SYT14: variants seen among roughly 807,000 people sequenced by gnomAD.
SYT14 encodes synaptotagmin-14.
SYT14 carries 32 observed loss-of-function variants against 74.2 expected under a neutral mutation model. The observed-to-expected ratio is 0.43, with a 90% confidence interval of 0.33 to 0.58. The LOEUF is 0.58. Among genes scored for constraint, SYT14 ranks in the 20% least tolerant of loss-of-function variants. SYT14 has a pLI of 0.05. For synonymous variants in SYT14, 298 were observed against 337.7 expected, an observed-to-expected ratio of 0.88 and a Z score of 1.29; for missense variants, 791 against 981.8, an observed-to-expected ratio of 0.81 and a Z score of 2.60.
At chr1:209,965,935 A>G (rs953639304) in intron 2 of SYT14, 1 of 454,450 alleles carries the variant, frequency 2.2e-6, no homozygotes, top group Non-Finnish European at 4.4e-6. Context: ...CAGTGGCACC[A>G]TCTTGGCTCA....
chr1:210,129,334 A>G (rs541098886), intron 7 of SYT14, among the ~76,000 whole-genome samples: 1 of 152,278 alleles, frequency 6.6e-6, no homozygotes, highest in South Asian at 2.1e-4. Context: ...CAGCTGCATA[A>G]TCAGGTTTCA....
intron 5 of SYT14, among the ~76,000 whole-genome samples, chr1:210,021,507 G>A (rs1191324711): frequency 2.0e-5 from 3 of 152,182 alleles, no homozygotes; most frequent in African/African-American, 7.2e-5. Flanking sequence ...ATTTCACAGT[G>A]AACATATGCT....
chr1:210,013,838 T>G, intron 3 of SYT14, 41 bp downstream of exon 3: 5 of 1,589,156 alleles, frequency 3.1e-6, no homozygotes, highest in Non-Finnish European at 4.3e-6. Flanking sequence ...GTTCTTTTTA[T>G]CCGTACTATT....
At chr1:210,068,737 T>C (rs2081340734) in intron 5 of SYT14, among the ~76,000 whole-genome samples, 1 of 151,734 alleles carries the variant, frequency 6.6e-6, no homozygotes, top group African/African-American at 2.4e-5. Flanking sequence ...AAAATAATTC[T>C]TTAATTATTT....
intron 1 of SYT14, among the ~76,000 whole-genome samples, chr1:209,940,788 C>T (rs1269284726): frequency 1.3e-5 from 2 of 152,158 alleles, no homozygotes; most frequent in Non-Finnish European, 2.9e-5. Flanking sequence ...CTTCCCTCCT[C>T]TGGATGATCT....
At chr1:209,942,322 G>A (rs535763914) in intron 1 of SYT14, among the ~76,000 whole-genome samples, 6 of 142,804 alleles carry the variant, frequency 4.2e-5, no homozygotes, top group African/African-American at 1.7e-4. Context: ...TCCCAAAGTT[G>A]TCATCACAGC....
chr1:210,149,637 T>A (rs1272296027), intron 7 of SYT14, among the ~76,000 whole-genome samples: 2 of 152,238 alleles, frequency 1.3e-5, no homozygotes, highest in Admixed American at 6.5e-5. Context: ...AGTGTTAATA[T>A]GTAGTGCTTA....
intron 8 of SYT14, among the ~76,000 whole-genome samples, chr1:210,158,283 G>A (rs1313947379): frequency 6.6e-5 from 10 of 152,106 alleles, no homozygotes; most frequent in Admixed American, 6.5e-4. Context: ...ACTCATAGGT[G>A]AAAGTTGGGG....
intron 5 of SYT14, among the ~76,000 whole-genome samples, chr1:210,066,153 T>A (rs1164420829): frequency 2.0e-5 from 3 of 151,966 alleles, no homozygotes; most frequent in African/African-American, 7.3e-5. Context: ...TGGTTCCAAG[T>A]CTTTGCTATT....
chr1:210,051,597 G>A (rs2080997754), intron 5 of SYT14, among the ~76,000 whole-genome samples: 1 of 151,870 alleles, frequency 6.6e-6, no homozygotes, highest in African/African-American at 2.4e-5. Flanking sequence ...AAATAATTAT[G>A]TGTGTCTTGT....
rs185342709 is a variant in SYT14, at chr1:210,154,303, C to T, written c.2035-1418C>T. On this transcript the variant is annotated intron_variant, in intron 7 of 9. Transcript: ENST00000637265. ...TCCATGGCCTGTTAGGAATGGGCGC[C>T]GCACAGCAGGAGGTGAGCAGCAGTG... Among the ~76,000 whole-genome samples, 496 of 152,220 alleles carry T rather than the reference C, an allele frequency of 3.3e-3. 3 individuals carry two copies. The highest frequency in any genetic ancestry group is 0.011 in the African/African-American group (467 of 41,540).
At chr1:210,057,452 AT>A (rs1337317486) in intron 5 of SYT14, among the ~76,000 whole-genome samples, 1 of 151,974 alleles carries the variant, frequency 6.6e-6, no homozygotes, top group Admixed American at 6.6e-5. Flanking sequence ...TAATCTTTCT[AT>A]TTTCAGAATT....
At position 210,019,653 on chromosome 1, in the gene SYT14, C is replaced by G. The variant is rs115076063; in HGVS notation, c.1097-1386C>G. ...AGACTAGATGACATATAACCTCCTT[C>G]TAACTCTAAGCATTTAGTTTCTGTC... On this transcript the variant is annotated intron_variant, in intron 4 of 9. Transcript: ENST00000637265. 7.9e-3 allele frequency among the ~76,000 whole-genome samples: 1,196 copies of G among 152,296 alleles called. 21 individuals carry two copies. The highest frequency in any genetic ancestry group is 0.027 in the African/African-American group (1,142 of 41,562).
intron 5 of SYT14, among the ~76,000 whole-genome samples, chr1:210,047,264 A>G (rs2080903022): frequency 6.6e-6 from 1 of 152,142 alleles, no homozygotes; most frequent in African/African-American, 2.4e-5. Context: ...GCACATAGAA[A>G]GGTAGCCAAT....
rs2102921889 is a variant in SYT14 at position 210,013,670 on chromosome 1, G to T, written c.-448G>T. 4 of 1,612,876 alleles carry T rather than the reference G, an allele frequency of 2.5e-6. 1 individual carries two copies. Among genetic ancestry groups the T allele is most frequent in the East Asian group, 4.5e-5 (2 of 44,784 alleles). Reference sequence around the variant, plus strand: ...CAGTTGGATTTTTGTCAGCTGTTGGGGTGTTTATTATCTTGATGCTGCTCC... The same window carrying T: ...CAGTTGGATTTTTGTCAGCTGTTGGTGTGTTTATTATCTTGATGCTGCTCC... On this transcript the variant is annotated 5_prime_UTR_variant, in exon 3 of 10. Transcript: ENST00000637265.
chr1:210,160,712 G>A lies in SYT14; in HGVS notation c.2282-17G>A, dbSNP rs2083355782. The A allele has an allele frequency of 6.2e-7, 1 of 1,608,392 alleles. No homozygotes were observed. The highest frequency in any genetic ancestry group is 8.5e-7 in the Non-Finnish European group (1 of 1,175,884). On this transcript the variant is annotated splice_polypyrimidine_tract_variant and intron_variant, in intron 9 of 9. Coordinates refer to ENST00000637265, the Ensembl canonical transcript of SYT14. The stretch of plus-strand genomic sequence containing the variant: ...TTTCAAATGATATTTGTGATACGTT[G>A]TCTTTTTCTTCTTTAGATACATATG...
At chr1:210,089,063 T>A (rs2081807219) in intron 5 of SYT14, among the ~76,000 whole-genome samples, 1 of 152,164 alleles carries the variant, frequency 6.6e-6, no homozygotes, top group Non-Finnish European at 1.5e-5. Flanking sequence ...CAGCATGTGA[T>A]GTTCCCATCT....
At chr1:210,102,329 T>C (rs2082083011) in intron 7 of SYT14, among the ~76,000 whole-genome samples, 1 of 152,166 alleles carries the variant, frequency 6.6e-6, no homozygotes, top group South Asian at 2.1e-4. Context: ...AATAAAACTA[T>C]CCATCTTCTG....
chr1:210,162,831 A>G (rs1329384295), exon 10 of SYT14: 1 of 452,414 alleles, frequency 2.2e-6, no homozygotes, highest in Non-Finnish European at 4.4e-6. Context: ...AAAAATACAA[A>G]TGCTATATTG....
Sources: gnomAD v4.1 joint callset for allele counts (sites outside exome capture counted in the v4.1 genomes callset) on GRCh38, gnomAD v4.1.1 for gene constraint, MANE v1.5 for transcripts, NCBI Gene and HGNC (gene_info 2026-07-23, HGNC 2026-07-21) for gene names.